The following ACAD10 variants were observed in gnomAD, a reference collection of about 807,000 sequenced individuals.
ACAD10 encodes the protein ACAD-10.
Under a neutral mutation model 116.8 loss-of-function variants are expected in ACAD10, and 112 were observed. That is an observed-to-expected ratio of 0.96 (90% CI 0.82 to 1.12). The LOEUF (loss-of-function observed/expected upper bound fraction) is 1.12, where lower values mean the gene tolerates loss of function less well. Ranked by LOEUF, ACAD10 falls within the 50% of genes most tolerant of loss-of-function variation. The pLI, the probability that ACAD10 is intolerant of heterozygous loss-of-function variation, is 0.00. For missense variants in ACAD10, 1,259 were observed against 1,350.2 expected (o/e 0.93, Z 1.06); for synonymous variants, 486 against 510.6 (o/e 0.95, Z 0.65).
At chr12:111,700,006 C>T (rs1888304383) in intron 2 of ACAD10, among the ~76,000 whole-genome samples, 1 of 152,058 alleles carries the variant, frequency 6.6e-6, no homozygotes, top group Admixed American at 6.6e-5. Context: ...AGCAAGAAAG[C>T]AATAATAGAC....
intron 18 of ACAD10, among the ~76,000 whole-genome samples, chr12:111,752,044 G>A (rs1360394099): frequency 2.7e-5 from 4 of 146,476 alleles, no homozygotes; most frequent in African/African-American, 1.0e-4. Context: ...GGCAACAAGA[G>A]CGATACTCTG....
At chr12:111,697,997 C>CA (rs1277611959) in intron 2 of ACAD10, among the ~76,000 whole-genome samples, 3 of 141,626 alleles carry the variant, frequency 2.1e-5, no homozygotes, top group African/African-American at 8.0e-5. Context: ...TGAGGTTGCG[C>CA]CCTTTTTTTT....
chr12:111,753,319 ATT>A, intron 18 of ACAD10: 1 of 362,540 alleles, frequency 2.8e-6, no homozygotes, highest in South Asian at 2.1e-5. Context: ...CCTTGCTCCC[ATT>A]GGAGCTGCAG....
chr12:111,710,843 C>CT (rs1260257485), intron 5 of ACAD10, among the ~76,000 whole-genome samples: 2 of 152,080 alleles, frequency 1.3e-5, no homozygotes, highest in African/African-American at 4.8e-5. Context: ...TCCTGGACTC[C>CT]AGCAGTCCTC....
In ACAD10 at chr12:111,749,309, G is replaced by T; in HGVS notation, c.2781G>T (p.Gly927=). Residue 927 remains glycine, a synonymous_variant, in exon 18 of 21, where the codon GGG becomes GGT. Coordinates refer to ENST00000313698, the MANE Select transcript of ACAD10 (RefSeq NM_025247.6). ...GRIHHCMRLI[G]FSERALALMK... is the part of the protein sequence containing the mutation. ...TCCATCACTGCATGAGGCTGATCGG[G>T]TTCTCAGAGAGGGCCCTGGCACTCA... 1 of 1,613,876 alleles carries T rather than the reference G, an allele frequency of 6.2e-7. No individual in the cohort carries two copies. The highest frequency in any genetic ancestry group is 8.5e-7 in the Non-Finnish European group (1 of 1,179,954).
intron 8 of ACAD10, among the ~76,000 whole-genome samples, chr12:111,723,025 C>CA (rs1177364662): frequency 6.8e-6 from 1 of 147,756 alleles, no homozygotes; most frequent in African/African-American, 2.5e-5. Context: ...CTGACCCCCC[C>CA]CCACCTCCCT....
intron 8 of ACAD10, among the ~76,000 whole-genome samples, chr12:111,723,394 A>G (rs1463881828): frequency 1.7e-5 from 2 of 120,086 alleles, no homozygotes; most frequent in Non-Finnish European, 1.7e-5. Context: ...TCCCTCCCGG[A>G]CGGGGCGGCT....
At chr12:111,742,116 G>A (rs1889761510) in intron 12 of ACAD10, among the ~76,000 whole-genome samples, 1 of 152,144 alleles carries the variant, frequency 6.6e-6, no homozygotes, top group Admixed American at 6.5e-5. Context: ...TCTTCTGCTG[G>A]AACTACATTT....
chr12:111,748,627 A>G, intron 17 of ACAD10, 152 bp downstream of exon 17: 1 of 807,926 alleles, frequency 1.2e-6, no homozygotes, highest in East Asian at 2.7e-5. Context: ...TTTCATTTCC[A>G]TACATGAATA....
intron 7 of ACAD10, among the ~76,000 whole-genome samples, chr12:111,717,070 T>C (rs1359547335): frequency 6.6e-6 from 1 of 152,122 alleles, no homozygotes; most frequent in Admixed American, 6.6e-5. Flanking sequence ...TATGATATGT[T>C]ACAATTATAG....
At chr12:111,755,230 G>A (rs1890177409) in intron 19 of ACAD10, among the ~76,000 whole-genome samples, 1 of 152,184 alleles carries the variant, frequency 6.6e-6, no homozygotes, top group African/African-American at 2.4e-5. Context: ...AGTTTCCCAA[G>A]TAGCTGGGAC....
intron 2 of ACAD10, 112 bp from the exon 3 acceptor site, chr12:111,702,050 C>A: frequency 8.6e-7 from 1 of 1,167,790 alleles, no homozygotes; most frequent in Non-Finnish European, 1.2e-6. Context: ...CCAACAGCAT[C>A]CACCCTGGCA....
chr12:111,736,828 C>A lies in ACAD10; in HGVS notation c.1541-3C>A, dbSNP rs956889247. 4.3e-6 allele frequency: 7 copies of A among 1,610,408 alleles called. No homozygotes were observed. Among genetic ancestry groups the A allele is most frequent in the Middle Eastern group, 1.7e-4 (1 of 6,008 alleles). ...CCCATGAATGGCTCTGTCTTTCTCG[C>A]AGGTATTAATGACTGTGACTTGACA... is the stretch of plus-strand genomic sequence containing the variant. On this transcript the variant is annotated splice_polypyrimidine_tract_variant and splice_region_variant and intron_variant, in intron 11 of 20. Transcript: ENST00000313698.
intron 18 of ACAD10, 159 bp downstream of exon 18, chr12:111,749,504 C>A: frequency 1.0e-6 from 1 of 991,214 alleles, no homozygotes; most frequent in Non-Finnish European, 1.4e-6. Context: ...TTTGCATCTG[C>A]TACTTTGCTG....
At position 111,749,170 on chromosome 12, in the gene ACAD10, C is replaced by G. The variant is rs1337221236; in HGVS notation, c.2645-3C>G. ...GCTCACAGTGATCGTTTGGGTCTTT[C>G]AGGTGGCCATGGTGAAGTCCGATTT... On this transcript the variant is annotated splice_region_variant and splice_polypyrimidine_tract_variant and intron_variant, in intron 17 of 20. Transcript: ENST00000313698. 3 of 1,612,660 alleles carry G rather than the reference C, an allele frequency of 1.9e-6. No individual in the cohort carries two copies. The highest frequency in any genetic ancestry group is 1.7e-4 in the Middle Eastern group (1 of 6,054).
chr12:111,747,294 G>T lies in ACAD10; in HGVS notation c.2395-1G>T, dbSNP rs1889939282. 6.2e-7 allele frequency: 1 copy of T among 1,614,024 alleles called. No homozygotes were observed. The highest frequency in any genetic ancestry group is 1.3e-5 in the African/African-American group (1 of 74,918). On this transcript the variant is annotated splice_acceptor_variant, in intron 15 of 20. Transcript: ENST00000313698. LOFTEE classifies it high-confidence loss of function. The stretch of plus-strand genomic sequence containing the variant: ...CTGACTGGAATATGCTCCCCACTCA[G>T]GTTGCCTCTTCAGATGCCACCAACA...
chr12:111,724,805 G>A (rs1351595415), intron 8 of ACAD10, among the ~76,000 whole-genome samples: 1 of 149,480 alleles, frequency 6.7e-6, no homozygotes, highest in Non-Finnish European at 1.5e-5. Context: ...AGGGGAGACC[G>A]TGGAAAGAGA....
At chr12:111,756,033 A>C in intron 20 of ACAD10, 1 of 997,662 alleles carries the variant, frequency 1.0e-6, no homozygotes, top group Non-Finnish European at 1.4e-6. Context: ...TTGGGTTTTC[A>C]TAAGCCCAGA....
rs765910896 is a variant in ACAD10 at position 111,746,212 on chromosome 12, C to T, written c.2184C>T (p.Tyr728=). Residue 728 remains tyrosine (Y), a synonymous_variant, in exon 14 of 21, where the codon TAC becomes TAT. Coordinates refer to ENST00000313698, the MANE Select transcript of ACAD10 (RefSeq NM_025247.6). ...TAGAGGCTGATCCCGAGAAAAAATA[C>T]GGAGCAGGACTGACCAATGTGGAAT... The part of the protein sequence containing the change: ...LPLEADPEKK[Y]GAGLTNVEYA... 3.8e-5 allele frequency: 62 copies of T among 1,613,780 alleles called. 1 individual carries two copies. In the Middle Eastern group the frequency reaches 6.6e-4, roughly 17 times the overall value.
Sources: gnomAD v4.1 joint callset for allele counts (sites outside exome capture counted in the v4.1 genomes callset) on GRCh38, gnomAD v4.1.1 for gene constraint, MANE v1.5 for transcripts, NCBI Gene and HGNC (gene_info 2026-07-23, HGNC 2026-07-21) for gene names.